Variants in DPYD observed in about 807,000 individuals in gnomAD.
The protein encoded by DPYD is dihydropyrimidine dehydrogenase [NADP(+)].
A neutral mutation model predicts 116.2 loss-of-function variants in DPYD; 109 were observed. The ratio of observed to expected loss-of-function variants is 0.94; its 90% CI spans 0.80 to 1.10. The LOEUF is 1.10. Among genes scored for constraint, DPYD ranks in the 50% least tolerant of loss-of-function variants. The pLI is 0.00. For missense variants in DPYD, 1,302 were observed against 1,254.5 expected (o/e 1.04, Z -0.57); for synonymous variants, 440 against 432.0 (o/e 1.02, Z -0.23).
chr1:97,468,780 C>T (rs568032739), intron 13 of DPYD, among the ~76,000 whole-genome samples: 164 of 152,248 alleles, frequency 1.1e-3, no homozygotes, highest in Non-Finnish European at 2.1e-3. Context: ...CCAAAGATGA[C>T]TACAGAGGGT....
At chr1:97,565,677 G>T (rs796658830) in intron 11 of DPYD, among the ~76,000 whole-genome samples, 13 of 152,204 alleles carry the variant, frequency 8.5e-5, no homozygotes, top group African/African-American at 3.1e-4. Context: ...ACACTGTGTT[G>T]CTATATATGT....
Position 97,547,897 on chromosome 1 carries a change from G to A in DPYD, c.1524+1663C>T, listed in dbSNP as rs561704065. On this transcript the variant is annotated intron_variant, in intron 12 of 22. Transcript: ENST00000370192. ...CCCCACTACTCAAAGATGCCAAGGAGGAGGTGGAAGTAGGCAGGTGAATCA... is the reference window on the plus strand; with the variant it reads ...CCCCACTACTCAAAGATGCCAAGGAAGAGGTGGAAGTAGGCAGGTGAATCA... 5.9e-5 allele frequency among the ~76,000 whole-genome samples: 9 copies of A among 152,204 alleles called. No homozygotes were observed. In the East Asian group the frequency reaches 1.7e-3, roughly 29 times the overall value.
At chr1:97,173,233 C>CACACATATGTACATATATAT (rs1656885085) in intron 20 of DPYD, among the ~76,000 whole-genome samples, 6 of 112,648 alleles carry the variant, frequency 5.3e-5, no homozygotes, top group East Asian at 3.5e-4. Flanking sequence ...TACATATATG[C>CACACATATGTACATATATAT]GCACACATAT....
At chr1:97,322,241 A>T (rs1049593379) in intron 16 of DPYD, among the ~76,000 whole-genome samples, 34 of 150,234 alleles carry the variant, frequency 2.3e-4, no homozygotes, top group South Asian at 4.3e-4. Context: ...TAATAAAAAA[A>T]AATAATAAAT....
At chr1:97,530,375 G>T (rs975160227) in intron 12 of DPYD, among the ~76,000 whole-genome samples, 3 of 151,678 alleles carry the variant, frequency 2.0e-5, no homozygotes, top group South Asian at 2.1e-4. Context: ...CCACCACCAC[G>T]CCAGGCTAAT....
chr1:97,157,010 C>T (rs1022302053), intron 20 of DPYD, among the ~76,000 whole-genome samples: 7 of 148,924 alleles, frequency 4.7e-5, no homozygotes, highest in Non-Finnish European at 7.4e-5. Flanking sequence ...AGTAAACTAT[C>T]GCAAGAACAA....
chr1:97,366,670 G>C (rs1036421678), intron 16 of DPYD, among the ~76,000 whole-genome samples: 1 of 152,046 alleles, frequency 6.6e-6, no homozygotes, highest in Non-Finnish European at 1.5e-5. Context: ...CACATACATA[G>C]CTCATAGAGG....
intron 18 of DPYD, among the ~76,000 whole-genome samples, chr1:97,282,290 T>C (rs926522823): frequency 1.3e-5 from 2 of 152,116 alleles, no homozygotes; most frequent in Non-Finnish European, 2.9e-5. Context: ...TCTAATTTTG[T>C]TCTTTTTTTG....
At chr1:97,546,679 C>A (rs1557788380) in intron 12 of DPYD, 1 of 1,612,900 alleles carries the variant, frequency 6.2e-7, no homozygotes, top group East Asian at 2.2e-5. Flanking sequence ...AATATCCATG[C>A]CATATCATGT....
rs58771302 is a variant in DPYD, at chr1:97,158,472, GACACACACACACACAC to G, written c.2622+34581_2622+34596del. Among the ~76,000 whole-genome samples, 128 of 112,078 alleles carry G rather than the reference GACACACACACACACAC, an allele frequency of 1.1e-3. 1 individual carries two copies. The highest frequency in any genetic ancestry group is 3.9e-3 in the East Asian group (15 of 3,812). 73.5% of individuals were successfully genotyped at this position (112,078 alleles called of 152,430 possible). On this transcript the variant is annotated intron_variant, in intron 20 of 22. Transcript: ENST00000370192. ...GGCTTCTCCTGCAGATAACTCACCA[GACACACACACACACAC>G]ACACACACACACACACACACACACA...
chr1:97,720,793 G>A, intron 5 of DPYD: 2 of 1,544,066 alleles, frequency 1.3e-6, no homozygotes, highest in Non-Finnish European at 1.7e-6. Context: ...CTTCATATAA[G>A]CTGATCATTT....
In DPYD at chr1:97,082,373, T is replaced by G. The variant is rs762779297; in HGVS notation, c.2864A>C (p.Asn955Thr). 1 of 1,613,506 alleles carries G rather than the reference T, an allele frequency of 6.2e-7. No homozygotes were observed. Among genetic ancestry groups the G allele is most frequent in the South Asian group, 1.1e-5 (1 of 91,084 alleles). Residue 955 changes from asparagine to threonine, a missense_variant, in exon 22 of 23, where the codon AAC (asparagine) becomes ACC (threonine). Physicochemically the swap from Asn to Thr is moderately conservative, Grantham distance 65. Transcript: ENST00000370192. ...VAMIDEEMCI[N>T]CGKCYMTCND... ...ACAGGTCATGTAGCATTTACCACAG[T>G]TGATACACATTTCTTCATCAATCAT...
At chr1:97,488,788 C>G (rs1054612393) in intron 13 of DPYD, among the ~76,000 whole-genome samples, 3 of 152,186 alleles carry the variant, frequency 2.0e-5, no homozygotes, top group Admixed American at 1.3e-4. Flanking sequence ...AACAACCCAA[C>G]AATCCAGGAG....
intron 14 of DPYD, among the ~76,000 whole-genome samples, chr1:97,398,769 C>T (rs1021182069): frequency 6.6e-6 from 1 of 152,182 alleles, no homozygotes; most frequent in African/African-American, 2.4e-5. Flanking sequence ...TATTCATTTG[C>T]TGTGCCCTCT....
At chr1:97,104,590 T>A (rs1650999218) in intron 20 of DPYD, among the ~76,000 whole-genome samples, 1 of 152,050 alleles carries the variant, frequency 6.6e-6, no homozygotes, top group Non-Finnish European at 1.5e-5. Flanking sequence ...AGAGGTGTCA[T>A]CCGAGCTAAA....
intron 14 of DPYD, among the ~76,000 whole-genome samples, chr1:97,389,874 A>AT (rs1553168355): frequency 6.6e-6 from 1 of 151,612 alleles, no homozygotes; most frequent in African/African-American, 2.4e-5. Context: ...CAAAAAAAAA[A>AT]AAAGTAGTGC....
intron 2 of DPYD, among the ~76,000 whole-genome samples, chr1:97,842,452 T>C (rs529460211): frequency 4.6e-5 from 7 of 152,092 alleles, no homozygotes; most frequent in African/African-American, 1.7e-4. Context: ...ATTTTCTCTC[T>C]CACTAATATA....
At chr1:97,778,289 A>G (rs1251086390) in intron 3 of DPYD, among the ~76,000 whole-genome samples, 1 of 151,872 alleles carries the variant, frequency 6.6e-6, no homozygotes, top group African/African-American at 2.4e-5. Context: ...AATAATTAGA[A>G]AACATCTCAA....
At chr1:97,250,010 G>A (rs1463681523) in intron 18 of DPYD, among the ~76,000 whole-genome samples, 1 of 152,136 alleles carries the variant, frequency 6.6e-6, no homozygotes, top group Admixed American at 6.5e-5. Context: ...GGTGGCTCAC[G>A]CCTGTAATCC....
Sources: allele counts gnomAD v4.1 joint callset (sites outside exome capture counted in the v4.1 genomes callset), GRCh38; gene constraint gnomAD v4.1.1; transcripts MANE v1.5; gene names NCBI Gene and HGNC (gene_info 2026-07-23, HGNC 2026-07-21).